Variants in CRY1 observed in about 807,000 individuals in gnomAD.
The protein encoded by CRY1 is cryptochrome circadian regulator 1, also known as cryptochrome-1.
A neutral mutation model predicts 76.0 loss-of-function variants in CRY1; 45 were observed. The ratio of observed to expected loss-of-function variants is 0.59; its 90% CI spans 0.47 to 0.76. The LOEUF is 0.76. CRY1 is among the 30% of genes least tolerant of loss of function. CRY1 has a pLI of 0.00. For synonymous variants in CRY1, 248 were observed against 244.0 expected (o/e 1.02, Z -0.15); for missense variants, 587 against 716.4 (o/e 0.82, Z 2.06).
intron 3 of CRY1, among the ~76,000 whole-genome samples, chr12:107,003,312 T>A (rs1192944444): frequency 6.6e-6 from 1 of 152,246 alleles, no homozygotes; most frequent in Non-Finnish European, 1.5e-5. Flanking sequence ...GACACTCTTT[T>A]GGAATAACTA....
rs144751775 is a variant in CRY1, at chr12:107,064,510, C to T, written c.158+28294G>A. Reference sequence around the variant, plus strand: ...TCAGTGAGAATGCAAAATGGTATAGCTACTTTGGAAAACAGTTTGGCAGTC... The same window carrying T: ...TCAGTGAGAATGCAAAATGGTATAGTTACTTTGGAAAACAGTTTGGCAGTC... On this transcript the variant is annotated intron_variant, in intron 1 of 12. Coordinates refer to ENST00000008527, the MANE Select transcript of CRY1 (RefSeq NM_004075.5). Among the ~76,000 whole-genome samples, 1,156 of 152,266 alleles carry T rather than the reference C, an allele frequency of 7.6e-3. 5 individuals are homozygous for T. The highest frequency in any genetic ancestry group is 0.037 in the Middle Eastern group (11 of 294).
In CRY1 at chr12:107,001,641, C is replaced by T. The variant is rs953580503; in HGVS notation, c.595+123G>A. 7 of 851,282 alleles carry T rather than the reference C, an allele frequency of 8.2e-6. No homozygotes were observed. In the Admixed American group the frequency reaches 8.6e-5, roughly 10 times the overall value. 52.7% of individuals were successfully genotyped at this position (851,282 alleles called of 1,614,324 possible). ...TCTTAAAGGGTTCTTTTTCTTCTCC[C>T]CCTGCCCTTTCTTTCTCTCCTAATG... On this transcript the variant is annotated intron_variant, in intron 4 of 12. Transcript: ENST00000008527.
intron 1 of CRY1, among the ~76,000 whole-genome samples, chr12:107,070,649 T>A (rs957765692): frequency 6.6e-6 from 1 of 151,296 alleles, no homozygotes; most frequent in East Asian, 1.9e-4. Flanking sequence ...TCTAGCCACA[T>A]CGCTGGATTC....
intron 5 of CRY1, 139 bp from the exon 6 acceptor site, chr12:107,000,221 TAATAAAA>T (rs1952291087): frequency 2.4e-6 from 2 of 839,716 alleles, no homozygotes; most frequent in Non-Finnish European, 3.5e-6. Context: ...TTACATGTTT[TAATAAAA>T]AATAAGACAG....
chr12:107,082,869 A>G (rs1365542081), intron 1 of CRY1, among the ~76,000 whole-genome samples: 1 of 152,224 alleles, frequency 6.6e-6, no homozygotes, highest in East Asian at 1.9e-4. Context: ...GGAGACAGAG[A>G]CACGAAAAAC....
intron 1 of CRY1, among the ~76,000 whole-genome samples, chr12:107,041,295 A>G (rs1319554027): frequency 6.6e-6 from 1 of 152,234 alleles, no homozygotes; most frequent in Non-Finnish European, 1.5e-5. Context: ...AATGCATTGT[A>G]TCATTGATGT....
At chr12:107,069,613 A>AAGTATATATAT (rs1225916127) in intron 1 of CRY1, among the ~76,000 whole-genome samples, 1,276 of 75,268 alleles carry the variant, frequency 0.017, 39 homozygotes, top group African/African-American at 0.054. Context: ...TATATATATA[A>AAGTATATATAT]AAAGTATATA....
At chr12:107,019,901 A>G (rs1952535055) in intron 2 of CRY1, among the ~76,000 whole-genome samples, 1 of 152,192 alleles carries the variant, frequency 6.6e-6, no homozygotes, top group Non-Finnish European at 1.5e-5. Context: ...TCAGGGCAAC[A>G]GAGCGAAACC....
chr12:107,072,814 C>A (rs367795891), intron 1 of CRY1: 2 of 152,158 alleles, frequency 1.3e-5, no homozygotes, highest in East Asian at 3.8e-4. Context: ...TTCTTCGTAT[C>A]ATTTGAATTC....
At chr12:107,060,359 T>C (rs1217389353) in intron 1 of CRY1, among the ~76,000 whole-genome samples, 1 of 152,168 alleles carries the variant, frequency 6.6e-6, no homozygotes, top group Non-Finnish European at 1.5e-5. Flanking sequence ...CAGCCTCCTA[T>C]TGCTCTCTCT....
intron 1 of CRY1, among the ~76,000 whole-genome samples, chr12:107,044,760 C>A (rs1240582609): frequency 6.6e-6 from 1 of 152,096 alleles, no homozygotes; most frequent in Non-Finnish European, 1.5e-5. Flanking sequence ...GCTTCAGCAG[C>A]ACACTTTGAT....
At chr12:107,011,328 C>T (rs981318586) in intron 2 of CRY1, among the ~76,000 whole-genome samples, 8 of 148,660 alleles carry the variant, frequency 5.4e-5, no homozygotes, top group Non-Finnish European at 1.2e-4. Context: ...CCAGCCTGGG[C>T]AACAGGGCAA....
chr12:106,996,168 T>G (rs945632359), intron 10 of CRY1, among the ~76,000 whole-genome samples: 3 of 152,202 alleles, frequency 2.0e-5, no homozygotes, highest in Non-Finnish European at 2.9e-5. Context: ...GTTCTCCGCA[T>G]GTATCCATGT....
At chr12:107,055,565 C>A (rs574753109) in intron 1 of CRY1, among the ~76,000 whole-genome samples, 1 of 151,954 alleles carries the variant, frequency 6.6e-6, no homozygotes, top group South Asian at 2.1e-4. Flanking sequence ...AAAAGCAGAA[C>A]AAAGAAATAA....
At chr12:106,999,300 C>T (rs1952273403) in intron 7 of CRY1, among the ~76,000 whole-genome samples, 1 of 152,064 alleles carries the variant, frequency 6.6e-6, no homozygotes, top group African/African-American at 2.4e-5. Context: ...TTTTACAGTT[C>T]TCTTAGTGGC....
intron 2 of CRY1, among the ~76,000 whole-genome samples, chr12:107,008,919 T>A (rs1396530038): frequency 6.6e-6 from 1 of 152,182 alleles, no homozygotes; most frequent in Non-Finnish European, 1.5e-5. Flanking sequence ...CATCTTCCAC[T>A]AGGATTGTGA....
intron 3 of CRY1, among the ~76,000 whole-genome samples, chr12:107,003,803 C>T (rs1367571803): frequency 6.8e-6 from 1 of 147,224 alleles, no homozygotes; most frequent in Non-Finnish European, 1.5e-5. Flanking sequence ...CCAATAAACA[C>T]TTGATTTTTT....
chr12:107,011,304 C>T (rs776210150), intron 2 of CRY1, among the ~76,000 whole-genome samples: 5 of 151,216 alleles, frequency 3.3e-5, no homozygotes, highest in East Asian at 1.9e-4. Context: ...GAGCTGAGAT[C>T]GAGCCATTGC....
chr12:107,080,567 C>T (rs1024095564), intron 1 of CRY1, among the ~76,000 whole-genome samples: 9 of 151,564 alleles, frequency 5.9e-5, no homozygotes, highest in Non-Finnish European at 1.0e-4. Flanking sequence ...ACACTAATAG[C>T]GCTGGCAGGA....
Sources: allele counts gnomAD v4.1 joint callset (sites outside exome capture counted in the v4.1 genomes callset), GRCh38; gene constraint gnomAD v4.1.1; transcripts MANE v1.5; gene names NCBI Gene and HGNC (gene_info 2026-07-23, HGNC 2026-07-21).